The following MLLT10 variants were observed in gnomAD, a reference collection of about 807,000 sequenced individuals.
MLLT10 encodes the protein MLLT10 histone lysine methyltransferase DOT1L cofactor.
A neutral mutation model predicts 129.1 loss-of-function variants in MLLT10; 30 were observed. The ratio of observed to expected loss-of-function variants is 0.23; its 90% CI spans 0.17 to 0.32. The LOEUF is 0.32. MLLT10 is among the 10% of genes least tolerant of loss of function. The probability of loss-of-function intolerance (pLI) is 1.00; values close to 1 mark genes in which losing one functional copy is unlikely to be tolerated. For missense variants in MLLT10, 1,119 were observed against 1,268.3 expected, an observed-to-expected ratio of 0.88 and a Z score of 1.79; for synonymous variants, 490 against 446.4, an observed-to-expected ratio of 1.10 and a Z score of -1.23.
chr10:21,736,800 G>A (rs557313483), intron 21 of MLLT10, among the ~76,000 whole-genome samples: 150 of 152,308 alleles, frequency 9.8e-4, no homozygotes, highest in Non-Finnish European at 1.8e-3. Flanking sequence ...GGTGTCTGGA[G>A]TCCCAGGCAG....
intron 5 of MLLT10, among the ~76,000 whole-genome samples, chr10:21,610,185 T>G (rs1389245914): frequency 1.3e-5 from 2 of 152,202 alleles, no homozygotes; most frequent in Non-Finnish European, 2.9e-5. Flanking sequence ...TATGGAACTT[T>G]CCACTCTACT....
chr10:21,686,086 C>A (rs1333325580), intron 13 of MLLT10, among the ~76,000 whole-genome samples: 1 of 152,146 alleles, frequency 6.6e-6, no homozygotes, highest in African/African-American at 2.4e-5. Flanking sequence ...CTTGTTTCAT[C>A]ATTTTTACAA....
intron 5 of MLLT10, among the ~76,000 whole-genome samples, chr10:21,596,197 T>C (rs529339881): frequency 5.9e-5 from 9 of 152,276 alleles, no homozygotes; most frequent in East Asian, 3.9e-4. Flanking sequence ...TTCATAATCT[T>C]ATTCAGGTTC....
At chr10:21,601,138 A>C (rs537841193) in intron 5 of MLLT10, among the ~76,000 whole-genome samples, 88 of 152,130 alleles carry the variant, frequency 5.8e-4, no homozygotes, top group African/African-American at 1.6e-3. Flanking sequence ...TAGAGATAGG[A>C]TCTCACTATG....
chr10:21,567,200 C>G (rs1172074046), intron 3 of MLLT10, among the ~76,000 whole-genome samples: 1 of 152,202 alleles, frequency 6.6e-6, no homozygotes, highest in Non-Finnish European at 1.5e-5. Flanking sequence ...ACTTAAACAA[C>G]TGTTTTAACT....
chr10:21,556,701 A>G (rs2038045328), intron 3 of MLLT10: 1 of 1,612,610 alleles, frequency 6.2e-7, no homozygotes, highest in Non-Finnish European at 8.5e-7. Context: ...GGATACATAG[A>G]ACATCACTGC....
At chr10:21,575,220 T>G (rs978096171) in intron 3 of MLLT10, among the ~76,000 whole-genome samples, 1 of 151,942 alleles carries the variant, frequency 6.6e-6, no homozygotes, top group Non-Finnish European at 1.5e-5. Context: ...TAGACAGAGT[T>G]TTGTGCTGCC....
intron 13 of MLLT10, among the ~76,000 whole-genome samples, chr10:21,691,027 T>A (rs2053797417): frequency 6.6e-6 from 1 of 152,200 alleles, no homozygotes; most frequent in South Asian, 2.1e-4. Flanking sequence ...TGCCAAATGT[T>A]GCTTATCTTA....
At chr10:21,726,971 GCATTTGTCT>G (rs1202507783) in intron 15 of MLLT10, among the ~76,000 whole-genome samples, 2 of 152,054 alleles carry the variant, frequency 1.3e-5, no homozygotes, top group African/African-American at 4.8e-5. Flanking sequence ...ACGTTTTGTC[GCATTTGTCT>G]CTTGTACTGT....
chr10:21,587,923 G>A (rs1235260009), intron 4 of MLLT10, among the ~76,000 whole-genome samples: 1 of 151,888 alleles, frequency 6.6e-6, no homozygotes, highest in East Asian at 1.9e-4. Flanking sequence ...ATCTTTCTAG[G>A]TTTCTTTTGC....
rs1589176224 is a variant in MLLT10, at chr10:21,602,955, A to G, written c.405+7515A>G. ...CACCATGTTAGCCAGGATGGTCTAG[A>G]TCTCCTGACCTGGTGATCCACCTGC... On this transcript the variant is annotated intron_variant, in intron 5 of 22. Coordinates refer to ENST00000307729, the MANE Select transcript of MLLT10 (RefSeq NM_001195626.3). Among the ~76,000 whole-genome samples, 3 of 151,736 alleles carry G rather than the reference A, an allele frequency of 2.0e-5. 1 individual carries two copies. Among genetic ancestry groups the G allele is most frequent in the Admixed American group, 2.0e-4 (3 of 15,230 alleles).
intron 8 of MLLT10, among the ~76,000 whole-genome samples, chr10:21,640,585 G>A (rs1229287967): frequency 6.6e-6 from 1 of 152,050 alleles, no homozygotes; most frequent in African/African-American, 2.4e-5. Context: ...TGTTTGTGCT[G>A]TGTGTTGCAT....
At chr10:21,688,592 A>G (rs1347833055) in intron 13 of MLLT10, 5 of 1,515,150 alleles carry the variant, frequency 3.3e-6, no homozygotes, top group South Asian at 2.3e-5. Flanking sequence ...AATTAATCCT[A>G]TTGTAGCTTG....
At chr10:21,647,471 A>G (rs1357971535) in intron 8 of MLLT10, among the ~76,000 whole-genome samples, 1 of 152,190 alleles carries the variant, frequency 6.6e-6, no homozygotes, top group African/African-American at 2.4e-5. Flanking sequence ...GCCTGGGGAA[A>G]ATAGCAAGAC....
chr10:21,680,913 G>A (rs1053970248), intron 11 of MLLT10, among the ~76,000 whole-genome samples: 13 of 150,932 alleles, frequency 8.6e-5, no homozygotes, highest in African/African-American at 2.0e-4. Context: ...CCGAGCTTGC[G>A]CCACTGCACT....
chr10:21,605,674 A>C (rs1318640696), intron 5 of MLLT10, among the ~76,000 whole-genome samples: 1 of 152,076 alleles, frequency 6.6e-6, no homozygotes, highest in Non-Finnish European at 1.5e-5. Flanking sequence ...GGCTCAAGCT[A>C]TCCTCCTGCT....
chr10:21,717,113 C>T (rs1366351757), intron 14 of MLLT10, among the ~76,000 whole-genome samples: 3 of 150,474 alleles, frequency 2.0e-5, no homozygotes, highest in Admixed American at 6.6e-5. Context: ...ATTAGCCGGG[C>T]GCGGTGGTGC....
At position 21,730,971 on chromosome 10, in the gene MLLT10, T is replaced by C; in HGVS notation, c.2135T>C (p.Val712Ala). The change falls in exon 17 of 23, where the codon GTA (valine) becomes GCA (alanine). Residue 712 changes from valine to alanine, a missense_variant. Val to Ala is a moderately conservative substitution (Grantham distance 64). Coordinates refer to ENST00000307729, the MANE Select transcript of MLLT10 (RefSeq NM_001195626.3). ...AGCAGTTTGGAAAATCTGCCTCCAG[T>C]AGCAGCCAGCATAGAACAGCTTTTG... ...GNSSLENLPP[V>A]AASIEQLLER... is the part of the protein sequence containing the mutation. The C allele has an allele frequency of 1.2e-6, 2 of 1,614,172 alleles. No individual in the cohort carries two copies. The highest frequency in any genetic ancestry group is 1.7e-6 in the Non-Finnish European group (2 of 1,180,008).
At chr10:21,723,449 C>G (rs2057271526) in intron 14 of MLLT10, among the ~76,000 whole-genome samples, 1 of 152,050 alleles carries the variant, frequency 6.6e-6, no homozygotes, top group South Asian at 2.1e-4. Flanking sequence ...TAATTGAAAG[C>G]AAAAAGGTAT....
Sources: allele counts gnomAD v4.1 joint callset (sites outside exome capture counted in the v4.1 genomes callset), GRCh38; gene constraint gnomAD v4.1.1; transcripts MANE v1.5; gene names NCBI Gene and HGNC (gene_info 2026-07-23, HGNC 2026-07-21).